STARD13: variants seen among roughly 807,000 people sequenced by gnomAD.
The protein encoded by STARD13 is StAR related lipid transfer domain containing 13, also known as stAR-related lipid transfer protein 13.
In STARD13, 62 loss-of-function variants were observed where a neutral mutation model predicts 106.4. The observed-to-expected ratio is 0.58, with a 90% CI of 0.48 to 0.72. The LOEUF is 0.72. Among genes scored for constraint, STARD13 ranks in the 30% least tolerant of loss-of-function variants. The pLI is 0.00. For missense variants in STARD13, 1,387 were observed against 1,424.0 expected, an observed-to-expected ratio of 0.97 and a Z score of 0.42; for synonymous variants, 565 against 553.0, an observed-to-expected ratio of 1.02 and a Z score of -0.31.
At chr13:33,666,902 A>G in the STARD13 span, among the ~76,000 whole-genome samples, 1 of 152,192 alleles carries the variant, frequency 6.6e-6, no homozygotes, top group Non-Finnish European at 1.5e-5. Flanking sequence ...AAAATGTATT[A>G]TTAACCACAT....
chr13:33,276,447 C>T (rs997296519), intron 1 of STARD13, among the ~76,000 whole-genome samples: 4 of 152,094 alleles, frequency 2.6e-5, no homozygotes, highest in Non-Finnish European at 4.4e-5. Flanking sequence ...ATATCATTAA[C>T]GCAGGATTTG....
At chr13:33,430,005 C>T in the STARD13 span, among the ~76,000 whole-genome samples, 1 of 151,938 alleles carries the variant, frequency 6.6e-6, no homozygotes, top group Non-Finnish European at 1.5e-5. Context: ...GCAAGCTCCG[C>T]CTCCCAGGTT....
chr13:33,316,717 C>T (rs1893354146), intron 1 of STARD13, among the ~76,000 whole-genome samples: 2 of 152,150 alleles, frequency 1.3e-5, no homozygotes, highest in Admixed American at 6.5e-5. Flanking sequence ...ATTTCTTGAG[C>T]ATGTACTACA....
At chr13:33,174,133 C>T (rs539795430) in intron 1 of STARD13, among the ~76,000 whole-genome samples, 4 of 152,166 alleles carry the variant, frequency 2.6e-5, no homozygotes, top group South Asian at 2.1e-4. Context: ...GTTTATTCCT[C>T]GTCACTCAAG....
chr13:33,171,649 T>C (rs1052729338), intron 1 of STARD13, among the ~76,000 whole-genome samples: 7 of 152,210 alleles, frequency 4.6e-5, no homozygotes, highest in African/African-American at 1.7e-4. Flanking sequence ...ACCCCATCCC[T>C]GTTAGTCTAA....
At chr13:33,329,983 C>T (rs184657134) in intron 1 of STARD13, among the ~76,000 whole-genome samples, 127 of 152,260 alleles carry the variant, frequency 8.3e-4, no homozygotes, top group African/African-American at 3.0e-3. Context: ...GGATTACAGG[C>T]GTGAGCCACC....
In STARD13 at chr13:33,119,108, T is replaced by G. The variant is rs565319884; in HGVS notation, c.2083-845A>C. Among the ~76,000 whole-genome samples, 3 of 152,238 alleles carry G rather than the reference T, an allele frequency of 2.0e-5. No homozygotes were observed. The East Asian group carries it at 5.8e-4, about 29-fold the overall frequency. ...GAGGCAGAGCAGAGCCCGGCAAGAA[T>G]GAAGATCCTGCAATGGTGGGGCAGG... On this transcript the variant is annotated intron_variant, in intron 7 of 13. Coordinates refer to ENST00000336934, the MANE Select transcript of STARD13 (RefSeq NM_178006.4).
chr13:33,405,250 G>C, the STARD13 span, among the ~76,000 whole-genome samples: 3 of 152,244 alleles, frequency 2.0e-5, no homozygotes, highest in Non-Finnish European at 4.4e-5. Flanking sequence ...AGCAGGCTGA[G>C]AACCTGAGAA....
At chr13:33,586,410 G>A in the STARD13 span, among the ~76,000 whole-genome samples, 2 of 152,090 alleles carry the variant, frequency 1.3e-5, no homozygotes, top group African/African-American at 4.8e-5. Context: ...CCCCAGGCAT[G>A]ACTCTACATA....
At chr13:33,201,698 A>C (rs1354433892) in intron 1 of STARD13, among the ~76,000 whole-genome samples, 2 of 152,166 alleles carry the variant, frequency 1.3e-5, no homozygotes, top group Non-Finnish European at 2.9e-5. Context: ...CTGTCAAAGA[A>C]TTTTCAAATT....
At chr13:33,212,447 C>A (rs1001017465) in intron 1 of STARD13, among the ~76,000 whole-genome samples, 1 of 152,170 alleles carries the variant, frequency 6.6e-6, no homozygotes, top group African/African-American at 2.4e-5. Context: ...ATAGAAATGT[C>A]AACCTTTCAG....
the STARD13 span, among the ~76,000 whole-genome samples, chr13:33,666,863 A>T: frequency 6.6e-6 from 1 of 152,210 alleles, no homozygotes; most frequent in African/African-American, 2.4e-5. Context: ...AAGTGCTGGG[A>T]TTACAGGCGG....
the STARD13 span, among the ~76,000 whole-genome samples, chr13:33,636,130 ACT>A: frequency 7.3e-6 from 1 of 137,098 alleles, no homozygotes; most frequent in Non-Finnish European, 1.5e-5. Context: ...ACAGAGCGAG[ACT>A]CTGTCTCAAA....
In STARD13 at chr13:33,129,592, A is replaced by T. The variant is rs1338008294; in HGVS notation, c.1085T>A (p.Met362Lys). ...KCHEANKRGGMYLEDLDVLAG... is the reference protein window; with the variant it reads ...KCHEANKRGGKYLEDLDVLAG... ...CAGCACATCTAGGTCCTCCAAGTAC[A>T]TGCCCCCGCGCTTGTTGGCCTCGTG... is the stretch of plus-strand genomic sequence containing the variant. Residue 362 changes from methionine (M) to lysine (K), a missense_variant, in exon 5 of 14, where the codon ATG becomes AAG. Coordinates refer to ENST00000336934, the MANE Select transcript of STARD13 (RefSeq NM_178006.4). 3 of 1,614,068 alleles carry T rather than the reference A, an allele frequency of 1.9e-6. No homozygotes were observed. The highest frequency in any genetic ancestry group is 2.5e-6 in the Non-Finnish European group (3 of 1,180,022).
chr13:33,427,936 C>CA, the STARD13 span, among the ~76,000 whole-genome samples: 1 of 128,226 alleles, frequency 7.8e-6, no homozygotes, highest in African/African-American at 3.1e-5. Context: ...GCCTGGGCAA[C>CA]AACAGCGAAA....
intron 1 of STARD13, among the ~76,000 whole-genome samples, chr13:33,302,010 T>C (rs141918183): frequency 1.3e-5 from 2 of 151,896 alleles, no homozygotes; most frequent in African/African-American, 4.8e-5. Context: ...ATAATTGGAG[T>C]AGAATTAAAG....
chr13:33,352,472 G>T (rs558000867), upstream of STARD13, among the ~76,000 whole-genome samples: 13 of 152,322 alleles, frequency 8.5e-5, no homozygotes, highest in African/African-American at 3.1e-4. Flanking sequence ...TCTCAAGAGC[G>T]TGGGCCCCTA....
chr13:33,623,428 TA>T, the STARD13 span, among the ~76,000 whole-genome samples: 2,666 of 59,102 alleles, frequency 0.045, 29 homozygotes, highest in Non-Finnish European at 0.083. Flanking sequence ...CTCAATAAAG[TA>T]AAAAAAAAAA....
At chr13:33,371,038 G>A in the STARD13 span, among the ~76,000 whole-genome samples, 2 of 152,280 alleles carry the variant, frequency 1.3e-5, no homozygotes, top group East Asian at 3.9e-4. Flanking sequence ...AAACAGGCAT[G>A]AATTATGCTC....
Sources: gnomAD v4.1 joint callset for allele counts (sites outside exome capture counted in the v4.1 genomes callset) on GRCh38, gnomAD v4.1.1 for gene constraint, MANE v1.5 for transcripts, NCBI Gene and HGNC (gene_info 2026-07-23, HGNC 2026-07-21) for gene names.